The following PRRC1 variants were observed in gnomAD, a reference collection of about 807,000 sequenced individuals.
PRRC1 encodes the protein proline rich coiled-coil 1, also known as protein PRRC1.
Under a neutral mutation model 40.7 loss-of-function variants are expected in PRRC1, and 39 were observed. That is an observed-to-expected ratio of 0.96 (90% CI 0.74 to 1.25). The LOEUF (loss-of-function observed/expected upper bound fraction) is 1.25. Ranked by LOEUF, PRRC1 falls within the 50% of genes most tolerant of loss-of-function variation. PRRC1 has a pLI of 0.00. For missense variants in PRRC1, 573 were observed against 548.3 expected, an observed-to-expected ratio of 1.05 and a Z score of -0.45; for synonymous variants, 175 against 193.3, an observed-to-expected ratio of 0.91 and a Z score of 0.79.
intron 7 of PRRC1, among the ~76,000 whole-genome samples, chr5:127,544,146 C>G (rs1157602671): frequency 5.3e-5 from 8 of 152,308 alleles, no homozygotes; most frequent in Non-Finnish European, 1.0e-4. Flanking sequence ...CACTCCAGAC[C>G]CTGTTTGCCT....
intron 1 of PRRC1, among the ~76,000 whole-genome samples, chr5:127,518,854 T>G (rs1006131430): frequency 1.3e-5 from 2 of 152,174 alleles, no homozygotes; most frequent in South Asian, 2.1e-4. Flanking sequence ...TGTTGATATA[T>G]GAATAGTACT....
At chr5:127,518,465 G>A (rs1235754596) in intron 1 of PRRC1, among the ~76,000 whole-genome samples, 1 of 152,230 alleles carries the variant, frequency 6.6e-6, no homozygotes, top group African/African-American at 2.4e-5. Context: ...GTCATTCGAA[G>A]TAGTTATTTT....
At chr5:127,527,792 A>T (rs1446842367) in intron 4 of PRRC1, among the ~76,000 whole-genome samples, 1 of 149,418 alleles carries the variant, frequency 6.7e-6, no homozygotes, top group Non-Finnish European at 1.5e-5. Flanking sequence ...AAAAACTATG[A>T]TGAGCACTGT....
intron 1 of PRRC1, chr5:127,518,093 G>A (rs1034459469): frequency 2.0e-5 from 3 of 152,412 alleles, no homozygotes; most frequent in Non-Finnish European, 4.4e-5. Flanking sequence ...AGGCAGGAGC[G>A]CTCTGGCCCC....
rs189374962 is a variant in PRRC1, at chr5:127,553,116, T to C, written c.*1200T>C. 2 of 921,236 alleles carry C rather than the reference T, an allele frequency of 2.2e-6. No individual in the cohort carries two copies. The highest frequency in any genetic ancestry group is 2.4e-4 in the East Asian group (2 of 8,434). 57.1% of individuals were successfully genotyped at this position (921,236 alleles called of 1,614,324 possible). A position where few individuals can be genotyped will look rare whatever the true frequency, so the allele number is the denominator to read the frequency against. On this transcript the variant is annotated 3_prime_UTR_variant, in exon 9 of 9. Transcript: ENST00000296666. ...TCGAAGATAGTTTCTTATATAAATG[T>C]AATTTAATTTTTTTACTCTTCTATA...
Position 127,547,884 on chromosome 5 carries a change from C to T in PRRC1, c.1091C>T (p.Thr364Ile). The change falls in exon 8 of 9, where the codon ACA becomes ATA. Residue 364 changes from threonine to isoleucine, a missense_variant. By Grantham distance (89) the Thr-to-Ile change is moderately conservative. Transcript: ENST00000296666. ...CATGGCATTCATCTAGAAACATTTACACAAGCCACACCAGTGCCTTTGGAA... is the reference window on the plus strand; with the variant it reads ...CATGGCATTCATCTAGAAACATTTATACAAGCCACACCAGTGCCTTTGGAA... Reference protein sequence around the residue: ...PVHGIHLETFTQATPVPLEFV... With the variant: ...PVHGIHLETFIQATPVPLEFV... The T allele has an allele frequency of 1.2e-6, 2 of 1,613,682 alleles. No individual in the cohort carries two copies. Among genetic ancestry groups the T allele is most frequent in the Non-Finnish European group, 8.5e-7 (1 of 1,179,694 alleles).
chr5:127,547,184 C>T (rs1768250694), intron 7 of PRRC1, among the ~76,000 whole-genome samples: 4 of 151,994 alleles, frequency 2.6e-5, no homozygotes, highest in Admixed American at 2.6e-4. Flanking sequence ...GGTGGTACTA[C>T]AGTTGTTTTC....
chr5:127,536,466 C>T (rs1385865243), intron 6 of PRRC1, among the ~76,000 whole-genome samples: 1 of 151,948 alleles, frequency 6.6e-6, no homozygotes, highest in Admixed American at 6.6e-5. Flanking sequence ...GAAGATTTCC[C>T]AAGAGGTTTT....
At chr5:127,551,174 GA>G (rs1768371567) in intron 8 of PRRC1, 1 of 165,378 alleles carries the variant, frequency 6.0e-6, no homozygotes, top group South Asian at 1.5e-4. Flanking sequence ...CTTTGTAGAT[GA>G]ATAAATGATT....
intron 7 of PRRC1, among the ~76,000 whole-genome samples, chr5:127,541,510 CTT>C (rs985634260): frequency 1.3e-5 from 2 of 151,732 alleles, no homozygotes; most frequent in African/African-American, 4.8e-5. Context: ...GTCCTGTACT[CTT>C]TTTGGTTGGT....
In PRRC1 at chr5:127,553,758, A is replaced by C; in HGVS notation, c.*1842A>C. 2 of 1,529,678 alleles carry C rather than the reference A, an allele frequency of 1.3e-6. No homozygotes were observed. The highest frequency in any genetic ancestry group is 1.7e-6 in the Non-Finnish European group (2 of 1,144,614). The allele number at this position is 1,529,678 out of a possible 1,614,324, so 94.8% of individuals were successfully genotyped here. The stretch of plus-strand genomic sequence containing the variant: ...CAAATGTCTTTTTGATGTTTTGAGA[A>C]TTGTTCTCATAGAATCACAAATACT... On this transcript the variant is annotated 3_prime_UTR_variant, in exon 9 of 9. Transcript: ENST00000296666.
intron 3 of PRRC1, 29 bp downstream of exon 3, chr5:127,524,949 T>A (rs752230930): frequency 6.5e-6 from 10 of 1,527,280 alleles, no homozygotes; most frequent in Admixed American, 2.2e-5. Flanking sequence ...TTGAAATACA[T>A]GGCTATTAAT....
In PRRC1 at chr5:127,533,751, G is replaced by GC; in HGVS notation, c.890dup (p.Gln298ThrfsTer18). 4 of 1,614,054 alleles carry GC rather than the reference G, an allele frequency of 2.5e-6. No homozygotes were observed. Among genetic ancestry groups the GC allele is most frequent in the Non-Finnish European group, 3.4e-6 (4 of 1,179,978 alleles). On this transcript the variant is annotated frameshift_variant, in exon 6 of 9. Transcript: ENST00000296666. LOFTEE classifies it high-confidence loss of function. The stretch of plus-strand genomic sequence containing the variant: ...AGGGGAAGCTGGACAGTCCAATATT[G>GC]CCCCACAACCAGTGGGCTATGCAGC...
intron 5 of PRRC1, among the ~76,000 whole-genome samples, chr5:127,532,368 A>G (rs964699236): frequency 6.6e-6 from 1 of 152,116 alleles, no homozygotes; most frequent in African/African-American, 2.4e-5. Flanking sequence ...AGGCCTCCCA[A>G]AGTGCTGGGA....
chr5:127,552,694 C>T lies in PRRC1; in HGVS notation c.*778C>T, dbSNP rs1301096868. ...GTATTCAAATTATTTTTGTATAATA[C>T]TGTTCAGTACTTCCAAGAATAAGCT... On this transcript the variant is annotated 3_prime_UTR_variant, in exon 9 of 9. Coordinates refer to ENST00000296666, the MANE Select transcript of PRRC1 (RefSeq NM_130809.5). 2 of 981,526 alleles carry T rather than the reference C, an allele frequency of 2.0e-6. No individual in the cohort carries two copies. Among genetic ancestry groups the T allele is most frequent in the Non-Finnish European group, 1.2e-6 (1 of 826,152 alleles). The allele number at this position is 981,526 out of a possible 1,614,324, so 60.8% of individuals were successfully genotyped here. A position where few individuals can be genotyped will look rare whatever the true frequency, so the allele number is the denominator to read the frequency against.
intron 7 of PRRC1, among the ~76,000 whole-genome samples, chr5:127,546,375 T>C (rs913638071): frequency 6.6e-6 from 1 of 152,244 alleles, no homozygotes; most frequent in African/African-American, 2.4e-5. Flanking sequence ...CTGATTCCAA[T>C]ATCACGGTCA....
intron 8 of PRRC1, chr5:127,550,676 G>A (rs933210452): frequency 6.6e-6 from 1 of 152,174 alleles, no homozygotes; most frequent in Non-Finnish European, 1.5e-5. Context: ...ATATTCAGGG[G>A]ATTCATAGGC....
At chr5:127,537,641 A>G (rs1472681461) in intron 6 of PRRC1, among the ~76,000 whole-genome samples, 2 of 151,962 alleles carry the variant, frequency 1.3e-5, no homozygotes, top group African/African-American at 4.8e-5. Context: ...GAAGCATAAA[A>G]TCTAGGAATA....
chr5:127,543,133 A>G (rs890885573), intron 7 of PRRC1, among the ~76,000 whole-genome samples: 3 of 151,910 alleles, frequency 2.0e-5, no homozygotes, highest in African/African-American at 4.8e-5. Context: ...CACTTACAAA[A>G]CTTAGTTTGG....
Sources: gnomAD v4.1 joint callset for allele counts (sites outside exome capture counted in the v4.1 genomes callset) on GRCh38, gnomAD v4.1.1 for gene constraint, MANE v1.5 for transcripts, NCBI Gene and HGNC (gene_info 2026-07-23, HGNC 2026-07-21) for gene names.